Variants in TCF3 observed in about 807,000 individuals in gnomAD.
TCF3 encodes transcription factor 3.
Under a neutral mutation model 72.3 loss-of-function variants are expected in TCF3, and 54 were observed. That is an observed-to-expected ratio of 0.75 (90% CI 0.60 to 0.94). The LOEUF is 0.94. Among genes scored for constraint, TCF3 ranks in the 40% least tolerant of loss-of-function variants. The pLI, the probability that TCF3 is intolerant of heterozygous loss-of-function variation, is 0.00. For missense variants in TCF3, 1,078 were observed against 934.4 expected, an observed-to-expected ratio of 1.15 and a Z score of -2.00; for synonymous variants, 525 against 412.6, an observed-to-expected ratio of 1.27 and a Z score of -3.30.
chr19:1,640,112 G>C (rs528583773), intron 3 of TCF3, among the ~76,000 whole-genome samples: 1 of 152,318 alleles, frequency 6.6e-6, no homozygotes, highest in South Asian at 2.1e-4. Context: ...CAGCCTCCCT[G>C]CGCAGGTGGA....
Position 1,610,458 on chromosome 19 carries a change from G to A in TCF3, c.*1249C>T, listed in dbSNP as rs571660271. The A allele has an allele frequency of 2.5e-4, 58 of 230,848 alleles. No individual in the cohort carries two copies. The highest frequency in any genetic ancestry group is 4.0e-4 in the Admixed American group (7 of 17,718). The allele number at this position is 230,848 out of a possible 1,614,324, so 14.3% of individuals were successfully genotyped here. ...GGGGGTGTCCTGTGCTGGCTCCTGA[G>A]CAGCATCCTCTCAGCCAGAGTTCAG... On this transcript the variant is annotated 3_prime_UTR_variant, in exon 19 of 19. Transcript: ENST00000262965.
intron 3 of TCF3, among the ~76,000 whole-genome samples, chr19:1,642,157 C>CACACACGCACGCGT (rs1555774852): frequency 6.6e-5 from 10 of 151,690 alleles, no homozygotes; most frequent in Non-Finnish European, 1.3e-4. Context: ...CACACACACA[C>CACACACGCACGCGT]ACACACACGC....
chr19:1,634,275 T>C (rs1295907228), intron 3 of TCF3, among the ~76,000 whole-genome samples: 1 of 152,242 alleles, frequency 6.6e-6, no homozygotes, highest in Admixed American at 6.5e-5. Context: ...AATGCATCCA[T>C]TGCTCCTGTT....
chr19:1,633,357 TC>T (rs1184428101), intron 3 of TCF3, among the ~76,000 whole-genome samples: 2 of 151,916 alleles, frequency 1.3e-5, no homozygotes, highest in Non-Finnish European at 2.9e-5. Flanking sequence ...CATGTCCAAC[TC>T]CCAAGTCCAG....
At chr19:1,629,621 G>A (rs1076324) in intron 5 of TCF3, among the ~76,000 whole-genome samples, 43,802 of 151,954 alleles carry the variant, frequency 0.29, 7,382 homozygotes, top group East Asian at 0.83. Flanking sequence ...GGGCTGATGC[G>A]GTGACACCTG....
intron 3 of TCF3, 29 bp from the exon 4 acceptor site, chr19:1,632,434 T>A: frequency 6.4e-7 from 1 of 1,566,906 alleles, no homozygotes; most frequent in East Asian, 2.3e-5. Flanking sequence ...GAGTTATGGG[T>A]CACCCTCACG....
At chr19:1,639,377 C>T (rs2064914202) in intron 3 of TCF3, among the ~76,000 whole-genome samples, 1 of 152,068 alleles carries the variant, frequency 6.6e-6, no homozygotes, top group Admixed American at 6.6e-5. Flanking sequence ...GACAATGGCT[C>T]GACCCACAAC....
At position 1,619,303 on chromosome 19, in the gene TCF3, G is replaced by A. The variant is rs1023383994; in HGVS notation, c.1326+13C>T. 1.7e-5 allele frequency: 27 copies of A among 1,568,624 alleles called. No homozygotes were observed. Among genetic ancestry groups the A allele is most frequent in the East Asian group, 6.9e-5 (3 of 43,696 alleles). On this transcript the variant is annotated intron_variant, in intron 15 of 18. Transcript: ENST00000262965. ...CCGCCCACTGCCCAGCTCCACCCTC[G>A]CCCAGCGCTCACCAGGCCTGCGTGC...
chr19:1,650,984 G>C (rs78830555), intron 1 of TCF3: 4 of 231,042 alleles, frequency 1.7e-5, no homozygotes, highest in Non-Finnish European at 3.4e-5. Context: ...AACAGCCCTA[G>C]ATTGCTTTAC....
chr19:1,627,652 G>C (rs1319576533), intron 5 of TCF3, among the ~76,000 whole-genome samples: 1 of 152,186 alleles, frequency 6.6e-6, no homozygotes, highest in Non-Finnish European at 1.5e-5. Flanking sequence ...CCCATCTCCT[G>C]CCCAATGACA....
In TCF3 at chr19:1,648,753, G is replaced by A. The variant is rs377718147; in HGVS notation, c.72+1424C>T. Among the ~76,000 whole-genome samples the A allele has an allele frequency of 2.6e-4, 39 of 150,408 alleles. No homozygotes were observed. The East Asian group carries it at 5.4e-3, about 21-fold the overall frequency. The stretch of plus-strand genomic sequence containing the variant: ...TGGCCTGTGCCTCATAGGCGGGAGG[G>A]TTAAATTCAGACTGAAAGTGCCCTC... On this transcript the variant is annotated intron_variant, in intron 2 of 18. Coordinates refer to ENST00000262965, the MANE Select transcript of TCF3 (RefSeq NM_003200.5).
intron 1 of TCF3, 77 bp from the exon 2 acceptor site, chr19:1,650,364 A>G (rs560771596): frequency 1.8e-6 from 2 of 1,132,042 alleles, no homozygotes; most frequent in Non-Finnish European, 2.5e-6. Context: ...CAAAGCACAG[A>G]GTGCTAAAAG....
intron 18 of TCF3, among the ~76,000 whole-genome samples, chr19:1,613,865 G>A (rs954379817): frequency 6.6e-6 from 1 of 152,264 alleles, no homozygotes. Flanking sequence ...CTGCCACCGT[G>A]AATGGTCGCA....
At chr19:1,638,932 AAGAC>A (rs1179468675) in intron 3 of TCF3, among the ~76,000 whole-genome samples, 2 of 152,372 alleles carry the variant, frequency 1.3e-5, no homozygotes, top group East Asian at 1.9e-4. Context: ...GTGCCGACCA[AAGAC>A]AGTTTTGAAA....
At position 1,629,321 on chromosome 19, in the gene TCF3, C is replaced by CGCACAGGCCCCTGGGTTCCCCTG. The variant is rs373535142; in HGVS notation, c.299-1896_299-1895insCAGGGGAACCCAGGGGCCTGTGC. ...CCTGTGCACACCGCATCAGGTTCAC[C>CGCACAGGCCCCTGGGTTCCCCTG]GCACAGGCTCCCCCAAAGTGCCCAG... On this transcript the variant is annotated intron_variant, in intron 5 of 18. Transcript: ENST00000262965. 5.1e-3 allele frequency among the ~76,000 whole-genome samples: 769 copies of CGCACAGGCCCCTGGGTTCCCCTG among 152,242 alleles called. 4 individuals are homozygous for CGCACAGGCCCCTGGGTTCCCCTG. The highest frequency in any genetic ancestry group is 0.017 in the African/African-American group (726 of 41,524).
intron 3 of TCF3, among the ~76,000 whole-genome samples, chr19:1,641,689 GTGATCCACACACCC>G: frequency 6.6e-6 from 1 of 152,082 alleles, no homozygotes; most frequent in Admixed American, 6.6e-5. Context: ...CTGGCCTCAT[GTGATCCACACACCC>G]TGGCTTCCCA....
chr19:1,629,698 G>C (rs2063463783), intron 5 of TCF3, among the ~76,000 whole-genome samples: 1 of 152,178 alleles, frequency 6.6e-6, no homozygotes, highest in Non-Finnish European at 1.5e-5. Context: ...TCCCCTTCTG[G>C]CTGACACTGG....
At chr19:1,632,142 A>C (rs2063786998) in intron 4 of TCF3, 26 bp from the exon 5 acceptor site, 1 of 1,608,172 alleles carries the variant, frequency 6.2e-7, no homozygotes, top group Admixed American at 1.7e-5. Flanking sequence ...TGGGGATGAG[A>C]GGTGCTGGGG....
chr19:1,632,275 C>T (rs2063803811), intron 4 of TCF3, 57 bp downstream of exon 4: 13 of 1,548,828 alleles, frequency 8.4e-6, no homozygotes, highest in Middle Eastern at 1.7e-4. Context: ...CCACACCCCT[C>T]GCCCCCAACT....
Sources: allele counts gnomAD v4.1 joint callset (sites outside exome capture counted in the v4.1 genomes callset), GRCh38; gene constraint gnomAD v4.1.1; transcripts MANE v1.5; gene names NCBI Gene and HGNC (gene_info 2026-07-23, HGNC 2026-07-21).